Variants in PGD observed in about 807,000 individuals in gnomAD.
The protein encoded by PGD is 6-phosphogluconate dehydrogenase, decarboxylating.
PGD carries 21 observed loss-of-function variants against 60.4 expected under a neutral mutation model. The ratio of observed to expected loss-of-function variants is 0.35; its 90% CI spans 0.25 to 0.50. The LOEUF (loss-of-function observed/expected upper bound fraction) is 0.50, where lower values mean the gene tolerates loss of function less well. Ranked by LOEUF, PGD falls within the 20% of genes least tolerant of loss-of-function variation. The pLI, the probability that PGD is intolerant of heterozygous loss-of-function variation, is 0.98. For synonymous variants in PGD, 230 were observed against 235.9 expected (o/e 0.97, Z 0.23); for missense variants, 477 against 613.1 (o/e 0.78, Z 2.34).
At chr1:10,418,174 C>T (rs1258445914) in intron 10 of PGD, among the ~76,000 whole-genome samples, 1 of 152,184 alleles carries the variant, frequency 6.6e-6, no homozygotes. Flanking sequence ...CTCATGTTGG[C>T]TGAAGATTCA....
chr1:10,412,684 A>G, intron 7 of PGD: 1 of 182,494 alleles, frequency 5.5e-6, no homozygotes, highest in Non-Finnish European at 1.2e-5. Flanking sequence ...CTGGGAAGAC[A>G]GACAGAAATA....
In PGD at chr1:10,418,916, A is replaced by C. The variant is rs1639642817; in HGVS notation, c.1200A>C (p.Glu400Asp). 1 of 1,599,800 alleles carries C rather than the reference A, an allele frequency of 6.3e-7. No homozygotes were observed. The highest frequency in any genetic ancestry group is 8.6e-7 in the Non-Finnish European group (1 of 1,167,024). Residue 400 changes from glutamate (E) to aspartate (D), a missense_variant, in exon 11 of 13, where the codon GAA (glutamate) becomes GAC (aspartate). Glu to Asp is a conservative substitution (Grantham distance 45). Coordinates refer to ENST00000270776, the MANE Select transcript of PGD (RefSeq NM_002631.4). Reference sequence around the variant, plus strand: ...ACGACTTCTTTAAGTCAGCTGTTGAAAACTGCCAGGTATGTAGCCTAGGGC... The same window carrying C: ...ACGACTTCTTTAAGTCAGCTGTTGACAACTGCCAGGTATGTAGCCTAGGGC... ...LLDDFFKSAVENCQDSWRRAV... is the reference protein window; with the variant it reads ...LLDDFFKSAVDNCQDSWRRAV...
At chr1:10,417,598 C>G (rs1639619247) in intron 10 of PGD, 89 bp downstream of exon 10, 3 of 1,360,742 alleles carry the variant, frequency 2.2e-6, no homozygotes, top group Middle Eastern at 1.9e-4. Flanking sequence ...TGAGCAGTTT[C>G]CAGGGATGGG....
intron 6 of PGD, among the ~76,000 whole-genome samples, chr1:10,410,936 A>AT (rs2102393489): frequency 6.6e-6 from 1 of 152,094 alleles, no homozygotes; most frequent in Admixed American, 6.5e-5. Flanking sequence ...ATCTAGGGTC[A>AT]TTTTACTTTT....
At chr1:10,413,309 G>A in intron 8 of PGD, 58 bp downstream of exon 8, 1 of 1,456,846 alleles carries the variant, frequency 6.9e-7, no homozygotes. Context: ...TTGATGTCTG[G>A]AGGACAGATA....
intron 1 of PGD, 108 bp downstream of exon 1, chr1:10,399,233 C>G: frequency 7.7e-7 from 1 of 1,301,132 alleles, no homozygotes; most frequent in Non-Finnish European, 1.1e-6. Context: ...TGGGGGTCGC[C>G]TGAGCTCACT....
At position 10,400,578 on chromosome 1, in the gene PGD, G is replaced by A; in HGVS notation, c.264+6G>A. 2 of 1,609,752 alleles carry A rather than the reference G, an allele frequency of 1.2e-6. No homozygotes were observed. The highest frequency in any genetic ancestry group is 1.7e-6 in the Non-Finnish European group (2 of 1,177,538). On this transcript the variant is annotated splice_donor_region_variant and intron_variant, in intron 3 of 12. Transcript: ENST00000270776. The stretch of plus-strand genomic sequence containing the variant: ...ATGATTTCATCGAGAAATTGGTGAG[G>A]CCAGCTGTGCTCTCAGCTGCTACCA...
chr1:10,409,254 C>T (rs1221963457), intron 6 of PGD, among the ~76,000 whole-genome samples: 1 of 152,150 alleles, frequency 6.6e-6, no homozygotes, highest in East Asian at 1.9e-4. Context: ...GCCCTCCCTC[C>T]TAGGCCTGCC....
In PGD at chr1:10,419,965, C is replaced by T. The variant is rs1018677132; in HGVS notation, c.*216C>T. The T allele has an allele frequency of 5.4e-6, 3 of 557,974 alleles. No homozygotes were observed. The highest frequency in any genetic ancestry group is 9.6e-6 in the Non-Finnish European group (3 of 313,874). The allele number at this position is 557,974 out of a possible 1,614,324, so 34.6% of individuals were successfully genotyped here. A position where few individuals can be genotyped will look rare whatever the true frequency, so the allele number is the denominator to read the frequency against. ...CTCTTGGGACTGACCAGGAGCTGCTCATGTGCGTGAGAGTGGGAACCATCT... is the reference window on the plus strand; with the variant it reads ...CTCTTGGGACTGACCAGGAGCTGCTTATGTGCGTGAGAGTGGGAACCATCT... On this transcript the variant is annotated 3_prime_UTR_variant, in exon 13 of 13. Coordinates refer to ENST00000270776, the MANE Select transcript of PGD (RefSeq NM_002631.4).
intron 3 of PGD, 33 bp downstream of exon 3, chr1:10,400,605 G>A (rs954728208): frequency 1.3e-6 from 2 of 1,541,228 alleles, no homozygotes; most frequent in Admixed American, 4.2e-5. Flanking sequence ...CTGCTACCAC[G>A]ATAGCAGCTG....
At chr1:10,415,193 T>A (rs554530311) in intron 8 of PGD, 1 of 152,352 alleles carries the variant, frequency 6.6e-6, no homozygotes, top group Admixed American at 6.5e-5. Flanking sequence ...TCTCCCCTTT[T>A]GACCTCCCTG....
Position 10,417,112 on chromosome 1 carries a change from C to T in PGD, c.970C>T (p.Arg324Trp), listed in dbSNP as rs756735573. 8.1e-6 allele frequency: 13 copies of T among 1,613,846 alleles called. No individual in the cohort carries two copies. Among genetic ancestry groups the T allele is most frequent in the African/African-American group, 2.7e-5 (2 of 74,992 alleles). Residue 324 changes from arginine to tryptophan, a missense_variant, in exon 9 of 13, where the codon CGG (arginine) becomes TGG (tryptophan). Arg to Trp is a moderately radical substitution (Grantham distance 101, BLOSUM62 -3). This residue lies in a region of PGD where 431 missense variants were observed against 556.6 expected (regional missense o/e 0.77). Transcript: ENST00000270776. ...GDKKSFLEDI[R>W]KALYASKIIS... Reference sequence around the variant, plus strand: ...TAAGAAATCATTCCTGGAGGACATTCGGAAGGTGGGACACAGTCCCTGGCA... The same window carrying T: ...TAAGAAATCATTCCTGGAGGACATTTGGAAGGTGGGACACAGTCCCTGGCA...
intron 3 of PGD, among the ~76,000 whole-genome samples, chr1:10,402,799 AGGCGTGAGCCACCGCGCCT>A (rs1353099473): frequency 1.3e-5 from 2 of 152,044 alleles, no homozygotes; most frequent in African/African-American, 4.8e-5. Context: ...CTGGGATAAC[AGGCGTGAGCCACCGCGCCT>A]GGCCTACAAA....
rs750145525 is a variant in PGD, at chr1:10,419,787, C to A, written c.*38C>A. On this transcript the variant is annotated 3_prime_UTR_variant, in exon 13 of 13. Coordinates refer to ENST00000270776, the MANE Select transcript of PGD (RefSeq NM_002631.4). ...TGTCACCCTCCACGATTCCACAGAC[C>A]AGGACATTCCATGTGCCTCATGGCA... The A allele has an allele frequency of 6.2e-7, 1 of 1,610,976 alleles. No homozygotes were observed. Among genetic ancestry groups the A allele is most frequent in the South Asian group, 1.1e-5 (1 of 90,928 alleles).
At chr1:10,407,033 C>T (rs538209323) in intron 5 of PGD, among the ~76,000 whole-genome samples, 54 of 152,308 alleles carry the variant, frequency 3.5e-4, no homozygotes, top group African/African-American at 1.2e-3. Flanking sequence ...ATTTCTGAGC[C>T]GGGTGCGATG....
Position 10,418,893 on chromosome 1 carries a change from G to A in PGD, c.1177G>A (p.Asp393Asn), listed in dbSNP as rs189103105. 8 of 1,611,542 alleles carry A rather than the reference G, an allele frequency of 5.0e-6. No homozygotes were observed. The highest frequency in any genetic ancestry group is 3.3e-5 in the Admixed American group (2 of 59,982). ...NPELQNLLLDDFFKSAVENCQ... is the reference protein window; with the variant it reads ...NPELQNLLLDNFFKSAVENCQ... ...GGAACTTCAGAACCTCCTACTGGACGACTTCTTTAAGTCAGCTGTTGAAAA... is the reference window on the plus strand; with the variant it reads ...GGAACTTCAGAACCTCCTACTGGACAACTTCTTTAAGTCAGCTGTTGAAAA... Residue 393 changes from aspartate (D) to asparagine (N), a missense_variant, in exon 11 of 13, where the codon GAC (aspartate) becomes AAC (asparagine). Transcript: ENST00000270776.
intron 2 of PGD, 102 bp from the exon 3 acceptor site, chr1:10,400,291 T>TC: frequency 1.2e-6 from 1 of 854,400 alleles, no homozygotes; most frequent in Non-Finnish European, 1.9e-6. Flanking sequence ...AGGTCTGACC[T>TC]CCCCAGAACT....
intron 6 of PGD, among the ~76,000 whole-genome samples, chr1:10,408,740 C>T (rs1313184093): frequency 1.3e-5 from 2 of 152,204 alleles, no homozygotes; most frequent in East Asian, 1.9e-4. Context: ...TCCTGAGTAG[C>T]TGGGACTGCA....
intron 3 of PGD, among the ~76,000 whole-genome samples, chr1:10,402,505 G>T (rs1176936301): frequency 4.0e-5 from 6 of 151,222 alleles, no homozygotes; most frequent in Non-Finnish European, 8.9e-5. Context: ...TGGGCGACAT[G>T]GTGAGACTCC....
Sources: gnomAD v4.1 joint callset for allele counts (sites outside exome capture counted in the v4.1 genomes callset) on GRCh38, gnomAD v4.1.1 for gene constraint, gnomAD v4.1.1 regional missense constraint, MANE v1.5 for transcripts, NCBI Gene and HGNC (gene_info 2026-07-23, HGNC 2026-07-21) for gene names.